The following ADGRL3 variants were observed in gnomAD, a reference collection of about 807,000 sequenced individuals.
The protein encoded by ADGRL3 is calcium-independent alpha-latrotoxin receptor 3.
A neutral mutation model predicts 153.5 loss-of-function variants in ADGRL3; 62 were observed. That is an observed-to-expected ratio of 0.40 (90% CI 0.33 to 0.50). The LOEUF (loss-of-function observed/expected upper bound fraction) is 0.50, where lower values mean the gene tolerates loss of function less well. ADGRL3 is among the 20% of genes least tolerant of loss of function. ADGRL3 has a pLI of 0.47. For synonymous variants in ADGRL3, 710 were observed against 672.5 expected, an observed-to-expected ratio of 1.06 and a Z score of -0.86; for missense variants, 1,641 against 1,859.4, an observed-to-expected ratio of 0.88 and a Z score of 2.16.
At chr4:61,352,607 A>T (rs2096072530) in intron 1 of ADGRL3, among the ~76,000 whole-genome samples, 1 of 152,118 alleles carries the variant, frequency 6.6e-6, no homozygotes, top group Non-Finnish European at 1.5e-5. Flanking sequence ...CTGGTCTTGC[A>T]CGCCTGACCT....
chr4:61,637,257 G>A (rs551670356), intron 5 of ADGRL3, among the ~76,000 whole-genome samples: 2 of 152,170 alleles, frequency 1.3e-5, no homozygotes, highest in African/African-American at 4.8e-5. Context: ...AATAAATAGG[G>A]GAAATTTGAA....
intron 1 of ADGRL3, among the ~76,000 whole-genome samples, chr4:61,233,222 T>C (rs965326342): frequency 1.3e-5 from 2 of 152,184 alleles, no homozygotes; most frequent in African/African-American, 4.8e-5. Context: ...TCCACATACA[T>C]ACTTTTACTT....
chr4:61,473,670 A>G (rs995401261), intron 2 of ADGRL3, among the ~76,000 whole-genome samples: 2 of 152,120 alleles, frequency 1.3e-5, no homozygotes, highest in African/African-American at 4.8e-5. Context: ...TAAGAGCTTA[A>G]TAAGTATTTA....
intron 5 of ADGRL3, among the ~76,000 whole-genome samples, chr4:61,606,749 T>C (rs1432485518): frequency 1.3e-5 from 2 of 152,194 alleles, no homozygotes; most frequent in Non-Finnish European, 2.9e-5. Context: ...CAGTTTTAAG[T>C]GAGGAAGCAA....
At position 61,234,228 on chromosome 4, in the gene ADGRL3, G is replaced by A. The variant is rs113629495; in HGVS notation, c.-240+32463G>A. On this transcript the variant is annotated intron_variant, in intron 1 of 26. Transcript: ENST00000683033. ...TTGGGCTTACAGTTCCACATGGTTA[G>A]GGCGGCCTCAGAATCATGGCGGGAG... Among the ~76,000 whole-genome samples, 1,452 of 152,148 alleles carry A rather than the reference G, an allele frequency of 9.5e-3. 21 individuals carry two copies. The highest frequency in any genetic ancestry group is 0.033 in the African/African-American group (1,385 of 41,522).
chr4:61,470,035 GGT>G (rs1427288318), intron 2 of ADGRL3, among the ~76,000 whole-genome samples: 1 of 151,780 alleles, frequency 6.6e-6, no homozygotes, highest in African/African-American at 2.4e-5. Flanking sequence ...CACTGAATAA[GGT>G]GGGCTAATTT....
intron 8 of ADGRL3, among the ~76,000 whole-genome samples, chr4:61,809,794 A>G (rs2148562365): frequency 6.6e-6 from 1 of 152,090 alleles, no homozygotes; most frequent in Admixed American, 6.6e-5. Context: ...ATTAATGAAC[A>G]AAAGAATGAA....
chr4:61,438,959 T>G (rs910114031), intron 2 of ADGRL3, among the ~76,000 whole-genome samples: 3 of 152,014 alleles, frequency 2.0e-5, no homozygotes, highest in Non-Finnish European at 4.4e-5. Flanking sequence ...CGCCCACCTC[T>G]GCCTCCCAAA....
chr4:61,698,172 C>T (rs1385322726), intron 6 of ADGRL3, among the ~76,000 whole-genome samples: 1 of 152,056 alleles, frequency 6.6e-6, no homozygotes, highest in Non-Finnish European at 1.5e-5. Context: ...ATTACTGAGG[C>T]CGGGCGTGGT....
At chr4:61,733,689 A>G in intron 8 of ADGRL3, 135 bp downstream of exon 8, 2 of 673,954 alleles carry the variant, frequency 3.0e-6, no homozygotes, top group Admixed American at 2.9e-5. Context: ...TTGTCTTTGC[A>G]TCTAAAGAAG....
In ADGRL3 at chr4:62,072,217, AT is replaced by A; in HGVS notation, c.*1316del. ...TGGAAGGTCAAATTATTTTGAAGTG[AT>A]TTTTTTAAAAAAAAGTCTTCTGTTT... is the stretch of plus-strand genomic sequence containing the variant. On this transcript the variant is annotated 3_prime_UTR_variant, in exon 27 of 27. Coordinates refer to ENST00000683033, the MANE Select transcript of ADGRL3 (RefSeq NM_001387552.1). 6.6e-6 allele frequency: 1 copy of A among 152,644 alleles called. No individual in the cohort carries two copies. The highest frequency in any genetic ancestry group is 2.1e-4 in the South Asian group (1 of 4,826). 9.5% of individuals were successfully genotyped at this position (152,644 alleles called of 1,614,324 possible). A position where few individuals can be genotyped will look rare whatever the true frequency, so the allele number is the denominator to read the frequency against.
chr4:61,599,451 G>A (rs769311552), intron 5 of ADGRL3, among the ~76,000 whole-genome samples: 1 of 152,162 alleles, frequency 6.6e-6, no homozygotes, highest in Non-Finnish European at 1.5e-5. Flanking sequence ...TCCCGCCTCA[G>A]CCTCCTGAGT....
intron 9 of ADGRL3, among the ~76,000 whole-genome samples, chr4:61,871,173 C>G (rs903043423): frequency 7.9e-5 from 12 of 151,698 alleles, no homozygotes; most frequent in Non-Finnish European, 1.5e-4. Flanking sequence ...AACTACTCAG[C>G]AGGCTAAGGC....
chr4:61,499,037 G>T (rs1183787373), intron 3 of ADGRL3, among the ~76,000 whole-genome samples: 1 of 152,176 alleles, frequency 6.6e-6, no homozygotes, highest in Non-Finnish European at 1.5e-5. Flanking sequence ...CAGCTGAAAT[G>T]AATTTTTAGC....
At chr4:61,854,952 A>G (rs1317494804) in intron 9 of ADGRL3, among the ~76,000 whole-genome samples, 1 of 152,200 alleles carries the variant, frequency 6.6e-6, no homozygotes, top group African/African-American at 2.4e-5. Context: ...TTTCTGCCAA[A>G]TAGCTGACCG....
chr4:61,876,545 C>CT (rs902269489), intron 9 of ADGRL3, among the ~76,000 whole-genome samples: 18 of 152,114 alleles, frequency 1.2e-4, no homozygotes, highest in African/African-American at 3.1e-4. Flanking sequence ...TTTCACTCTA[C>CT]TTTTTTTATT....
chr4:61,497,494 A>C, intron 3 of ADGRL3, 146 bp downstream of exon 3: 1 of 505,598 alleles, frequency 2.0e-6, no homozygotes, highest in Non-Finnish European at 3.4e-6. Context: ...AAAGAACATA[A>C]TGTGTATTTC....
chr4:61,316,277 C>T (rs2095210210), intron 1 of ADGRL3, among the ~76,000 whole-genome samples: 1 of 152,048 alleles, frequency 6.6e-6, no homozygotes, highest in African/African-American at 2.4e-5. Context: ...ACAAATTGGG[C>T]TTATTTCAGG....
intron 1 of ADGRL3, among the ~76,000 whole-genome samples, chr4:61,354,235 T>C (rs1469259963): frequency 6.6e-6 from 1 of 152,216 alleles, no homozygotes; most frequent in Non-Finnish European, 1.5e-5. Flanking sequence ...TCACGACTAA[T>C]AATTGAAAGA....
Sources: allele counts gnomAD v4.1 joint callset (sites outside exome capture counted in the v4.1 genomes callset), GRCh38; gene constraint gnomAD v4.1.1; transcripts MANE v1.5; gene names NCBI Gene and HGNC (gene_info 2026-07-23, HGNC 2026-07-21).